Variants in MAP3K15 observed in about 807,000 individuals in gnomAD.
The protein encoded by MAP3K15 is MAPK/ERK kinase kinase 15.
MAP3K15 carries 124 observed loss-of-function variants against 99.5 expected under a neutral mutation model. The observed-to-expected ratio is 1.25, with a 90% CI of 1.08 to 1.45. The LOEUF (loss-of-function observed/expected upper bound fraction) is 1.45, where lower values mean the gene tolerates loss of function less well. Among genes scored for constraint, MAP3K15 ranks in the 40% most tolerant of loss-of-function variants. The pLI, the probability that MAP3K15 is intolerant of heterozygous loss-of-function variation, is 0.00. For missense variants in MAP3K15, 1,242 were observed against 1,079.7 expected, an observed-to-expected ratio of 1.15 and a Z score of -2.11; for synonymous variants, 494 against 439.6, an observed-to-expected ratio of 1.12 and a Z score of -1.55.
At chrX:19,365,785 T>G (rs1054896213) in intron 25 of MAP3K15, among the ~76,000 whole-genome samples, 4 of 110,820 alleles carry the variant, frequency 3.6e-5, no homozygotes, top group African/African-American at 1.3e-4. Context: ...GGCAGGTGGA[T>G]CACCTGAGGT....
intron 9 of MAP3K15, among the ~76,000 whole-genome samples, chrX:19,420,402 C>T (rs1438004737): frequency 3.6e-5 from 4 of 111,440 alleles, no homozygotes; most frequent in East Asian, 2.8e-4. Flanking sequence ...GAGAATACTA[C>T]AAACACCTCT....
At chrX:19,467,810 C>A (rs750439130) in intron 3 of MAP3K15, among the ~76,000 whole-genome samples, 8 of 108,664 alleles carry the variant, frequency 7.4e-5, no homozygotes, top group South Asian at 8.3e-4. Flanking sequence ...ACATGGGCAA[C>A]AGAGCAAGAC....
chrX:19,420,107 C>A (rs1472450708), intron 9 of MAP3K15, among the ~76,000 whole-genome samples: 1 of 111,269 alleles, frequency 9.0e-6, no homozygotes, highest in Non-Finnish European at 1.9e-5. Context: ...AAATTGACAC[C>A]CTAACATCAC....
intron 6 of MAP3K15, among the ~76,000 whole-genome samples, chrX:19,451,178 G>C (rs1332800534): frequency 9.5e-6 from 1 of 105,738 alleles, no homozygotes; most frequent in Admixed American, 1.0e-4. Flanking sequence ...CCAGCTACTC[G>C]GGAGGCTGAG....
At chrX:19,505,604 T>C (rs2064471002) in intron 1 of MAP3K15, among the ~76,000 whole-genome samples, 1 of 111,190 alleles carries the variant, frequency 9.0e-6, no homozygotes, top group Non-Finnish European at 1.9e-5. Flanking sequence ...GAAGGCCTAG[T>C]GGATTCACCA....
intron 1 of MAP3K15, among the ~76,000 whole-genome samples, chrX:19,502,419 C>G (rs987636528): frequency 9.9e-5 from 11 of 111,560 alleles, no homozygotes; most frequent in African/African-American, 3.6e-4. Flanking sequence ...TGTGCTCTCT[C>G]TCTCTCCTGC....
intron 6 of MAP3K15, among the ~76,000 whole-genome samples, chrX:19,433,993 C>T (rs950766654): frequency 1.1e-4 from 12 of 111,162 alleles, no homozygotes; most frequent in South Asian, 3.8e-4. Flanking sequence ...GAGGAACATC[C>T]GTAACAGTAA....
intron 6 of MAP3K15, among the ~76,000 whole-genome samples, chrX:19,454,994 TACTATGTTGACGGCTGGCCA>T (rs1385353020): frequency 8.9e-6 from 1 of 112,168 alleles, no homozygotes; most frequent in Admixed American, 9.5e-5. Context: ...TGCAAACTCC[TACTATGTTGACGGCTGGCCA>T]ACTTAAGCCT....
intron 15 of MAP3K15, among the ~76,000 whole-genome samples, 185 bp downstream of exon 15, chrX:19,398,041 G>T (rs1304502207): frequency 2.0e-5 from 2 of 101,277 alleles, no homozygotes; most frequent in Non-Finnish European, 4.0e-5. Flanking sequence ...TCCAGCCTGG[G>T]CAATAGAGCG....
Position 19,373,540 on chromosome X carries a change from G to A in MAP3K15, c.2929C>T (p.Leu977Phe), listed in dbSNP as rs935780284. 7.4e-5 allele frequency: 87 copies of A among 1,168,051 alleles called. No homozygotes were observed. Among genetic ancestry groups the A allele is most frequent in the Non-Finnish European group, 9.7e-5 (85 of 873,742 alleles). The change falls in exon 21 of 29, where the codon CTC (leucine) becomes TTC (phenylalanine). Residue 977 changes from leucine (L) to phenylalanine (F), a missense_variant. Physicochemically the swap from Leu to Phe is conservative, Grantham distance 22 (BLOSUM62 0). Transcript: ENST00000338883. The stretch of plus-strand genomic sequence containing the variant: ...ACAGACAGAATACGGGTGTACCTGA[G>A]GAGGTGGCCAAGGTGGTGCCTGGGC... Reference protein sequence around the residue: ...RAPRHHLGHLLSVPDESSALE... With the variant: ...RAPRHHLGHLFSVPDESSALE...
At chrX:19,409,813 C>T in intron 12 of MAP3K15, 111 bp downstream of exon 12, 3 of 611,885 alleles carry the variant, frequency 4.9e-6, no homozygotes, top group Non-Finnish European at 7.7e-6. Flanking sequence ...CTTTGGATTC[C>T]ATTAAAAATA....
rs978251054 is a variant in MAP3K15, at chrX:19,392,426, G to A, written c.2242C>T (p.Pro748Ser). The change falls in exon 17 of 29, where the codon CCG (proline) becomes TCG (serine). Residue 748 changes from proline (P) to serine (S), a missense_variant. Coordinates refer to ENST00000338883, the MANE Select transcript of MAP3K15 (RefSeq NM_001001671.4). ...TGTTTGGTGTAAAACTTGATTGTCG[G>A]TTCCTTCATCGGCCCCCATTTGGAT... ...LRSKWGPMKEPTIKFYTKQIL... is the reference protein window; with the variant it reads ...LRSKWGPMKESTIKFYTKQIL... The A allele has an allele frequency of 3.1e-5, 38 of 1,208,857 alleles. No homozygotes were observed. The highest frequency in any genetic ancestry group is 5.3e-5 in the African/African-American group (3 of 57,098).
intron 3 of MAP3K15, among the ~76,000 whole-genome samples, chrX:19,471,531 G>T (rs2064207765): frequency 9.0e-6 from 1 of 110,779 alleles, no homozygotes; most frequent in Non-Finnish European, 1.9e-5. Flanking sequence ...CAAAGTGCTG[G>T]GATTACAGGC....
At chrX:19,445,674 G>A (rs185214524) in intron 6 of MAP3K15, among the ~76,000 whole-genome samples, 10 of 109,186 alleles carry the variant, frequency 9.2e-5, no homozygotes, top group African/African-American at 3.0e-4. Flanking sequence ...CAGGTGTAGC[G>A]GCTCACGCCT....
chrX:19,366,836 G>A (rs2063338083), intron 25 of MAP3K15, among the ~76,000 whole-genome samples: 1 of 112,104 alleles, frequency 8.9e-6, no homozygotes, highest in Admixed American at 9.5e-5. Context: ...CAGACTGGCT[G>A]CTGCCTAACC....
At chrX:19,481,834 A>G (rs1406790932) in intron 3 of MAP3K15, 2 of 111,552 alleles carry the variant, frequency 1.8e-5, no homozygotes, top group Non-Finnish European at 3.8e-5. Flanking sequence ...GAAATGTAAA[A>G]TGGTACAGCC....
At chrX:19,374,724 T>G in intron 19 of MAP3K15, 64 bp from the exon 20 acceptor site, 2 of 1,040,800 alleles carry the variant, frequency 1.9e-6, no homozygotes, top group Admixed American at 2.4e-5. Flanking sequence ...GGTATCCATG[T>G]CTCAGTCCAA....
At chrX:19,444,921 T>C (rs1428527929) in intron 6 of MAP3K15, among the ~76,000 whole-genome samples, 1 of 110,521 alleles carries the variant, frequency 9.0e-6, no homozygotes, top group Non-Finnish European at 1.9e-5. Flanking sequence ...CTCTCCCCAC[T>C]ACCCCTGGGA....
At chrX:19,408,363 A>G (rs2063662264) in intron 12 of MAP3K15, among the ~76,000 whole-genome samples, 1 of 112,205 alleles carries the variant, frequency 8.9e-6, no homozygotes, top group Admixed American at 9.5e-5. Flanking sequence ...CACATTTTTG[A>G]AAATCTTCAC....
Sources: gnomAD v4.1 joint callset for allele counts (sites outside exome capture counted in the v4.1 genomes callset) on GRCh38, gnomAD v4.1.1 for gene constraint, MANE v1.5 for transcripts, NCBI Gene and HGNC (gene_info 2026-07-23, HGNC 2026-07-21) for gene names.